KIAA1549L: variants seen among roughly 807,000 people sequenced by gnomAD.
The protein encoded by KIAA1549L is UPF0606 protein KIAA1549L.
KIAA1549L carries 88 observed loss-of-function variants against 160.7 expected under a neutral mutation model. That is an observed-to-expected ratio of 0.55 (90% confidence interval 0.46 to 0.65). The LOEUF is 0.65. KIAA1549L is among the 30% of genes least tolerant of loss of function. The pLI, the probability that KIAA1549L is intolerant of heterozygous loss-of-function variation, is 0.00. For synonymous variants in KIAA1549L, 950 were observed against 976.7 expected (o/e 0.97, Z 0.51); for missense variants, 2,258 against 2,437.5 (o/e 0.93, Z 1.55).
chr11:33,444,379 A>G (rs78345268), intron 1 of KIAA1549L, among the ~76,000 whole-genome samples: 8,387 of 152,286 alleles, frequency 0.055, 289 homozygotes, highest in East Asian at 0.17. Context: ...ACTCTAAGAT[A>G]TGTCATTAAG....
chr11:33,423,239 TC>T (rs1402163555), intron 1 of KIAA1549L, among the ~76,000 whole-genome samples: 1 of 152,156 alleles, frequency 6.6e-6, no homozygotes, highest in Non-Finnish European at 1.5e-5. Context: ...GGTTAGGACA[TC>T]AATTTGAAAA....
intron 8 of KIAA1549L, among the ~76,000 whole-genome samples, chr11:33,567,639 A>G (rs1855092961): frequency 6.6e-6 from 1 of 152,232 alleles, no homozygotes; most frequent in Admixed American, 6.5e-5. Context: ...CCAGACCTTG[A>G]GTGGAAACCA....
At chr11:33,565,699 T>G in intron 8 of KIAA1549L, among the ~76,000 whole-genome samples, 1 of 145,668 alleles carries the variant, frequency 6.9e-6, no homozygotes. Flanking sequence ...GGCACTTCCG[T>G]GGAGGCTTTT....
At chr11:33,614,572 ATATATATATATATTTTTTTTTT>A (rs1850752211) in intron 15 of KIAA1549L, among the ~76,000 whole-genome samples, 1 of 14,882 alleles carries the variant, frequency 6.7e-5, no homozygotes, top group African/African-American at 8.2e-4. Context: ...ATATATATAT[ATATATATATATATTTTTTTTTT>A]TTTTTTTTTT....
At chr11:33,620,083 C>G (rs1425269254) in intron 16 of KIAA1549L, among the ~76,000 whole-genome samples, 1 of 152,168 alleles carries the variant, frequency 6.6e-6, no homozygotes, top group Non-Finnish European at 1.5e-5. Context: ...GGAAATGGGT[C>G]AGAGGTTTCC....
chr11:33,574,558 C>A, intron 9 of KIAA1549L, 144 bp from the exon 10 acceptor site: 1 of 614,060 alleles, frequency 1.6e-6, no homozygotes, highest in Non-Finnish European at 2.7e-6. Context: ...TCTTGAGAGG[C>A]TGGATATAGG....
chr11:33,598,378 A>ACTTT (rs1850263886), intron 12 of KIAA1549L, among the ~76,000 whole-genome samples: 7 of 152,326 alleles, frequency 4.6e-5, no homozygotes, highest in Admixed American at 6.5e-5. Context: ...TTTGTAGTCA[A>ACTTT]AGTCTATGTG....
intron 1 of KIAA1549L, among the ~76,000 whole-genome samples, chr11:33,433,751 A>G (rs907958236): frequency 2.0e-5 from 3 of 152,216 alleles, no homozygotes; most frequent in African/African-American, 7.2e-5. Flanking sequence ...ATGGAATACT[A>G]TGCAGCCATA....
At chr11:33,597,605 C>G (rs1362537574) in intron 12 of KIAA1549L, among the ~76,000 whole-genome samples, 2 of 152,212 alleles carry the variant, frequency 1.3e-5, no homozygotes, top group African/African-American at 4.8e-5. Flanking sequence ...GGGAGGCAGT[C>G]AGTCTTTATG....
intron 18 of KIAA1549L, among the ~76,000 whole-genome samples, chr11:33,657,180 G>A (rs777945394): frequency 1.1e-4 from 16 of 152,076 alleles, no homozygotes; most frequent in Non-Finnish European, 2.1e-4. Flanking sequence ...CCACCCTGAT[G>A]AACGGTCACA....
rs372386632 is a variant in KIAA1549L at position 33,624,849 on chromosome 11, C to T, written c.5409+6187C>T. On this transcript the variant is annotated intron_variant, in intron 16 of 20. Coordinates refer to ENST00000658780, the MANE Select transcript of KIAA1549L (RefSeq NM_012194.3). Reference sequence around the variant, plus strand: ...TGTATACATGTGCCATGCTGGTGCACTGCACCCACTGACTCCTCATCTAGC... The same window carrying T: ...TGTATACATGTGCCATGCTGGTGCATTGCACCCACTGACTCCTCATCTAGC... Among the ~76,000 whole-genome samples the T allele has an allele frequency of 2.0e-5, 3 of 151,074 alleles. No individual in the cohort carries two copies. The South Asian group carries it at 6.3e-4, about 32-fold the overall frequency.
At chr11:33,608,941 A>T (rs561279037) in intron 14 of KIAA1549L, among the ~76,000 whole-genome samples, 1 of 152,362 alleles carries the variant, frequency 6.6e-6, no homozygotes, top group African/African-American at 2.4e-5. Flanking sequence ...TCTTTTGTAA[A>T]TTACACGACA....
intron 1 of KIAA1549L, among the ~76,000 whole-genome samples, chr11:33,514,439 C>A (rs1243433892): frequency 1.3e-5 from 2 of 152,170 alleles, no homozygotes; most frequent in Non-Finnish European, 1.5e-5. Flanking sequence ...GGTTTTCCAT[C>A]AACATTTTCA....
chr11:33,458,062 G>A (rs566770370), intron 1 of KIAA1549L, among the ~76,000 whole-genome samples: 4 of 152,290 alleles, frequency 2.6e-5, no homozygotes, highest in Admixed American at 2.0e-4. Context: ...TCTGAGGCCC[G>A]AGGGATGACA....
intron 16 of KIAA1549L, among the ~76,000 whole-genome samples, chr11:33,622,728 C>T (rs530008657): frequency 5.3e-5 from 8 of 152,192 alleles, no homozygotes; most frequent in Non-Finnish European, 7.4e-5. Context: ...ACCTCCACGG[C>T]AGGCACCAGG....
intron 1 of KIAA1549L, among the ~76,000 whole-genome samples, chr11:33,486,465 A>G (rs1852529357): frequency 2.0e-5 from 3 of 152,200 alleles, no homozygotes; most frequent in Admixed American, 2.0e-4. Context: ...AATTTTGTTC[A>G]GAGGAAATTC....
intron 1 of KIAA1549L, among the ~76,000 whole-genome samples, chr11:33,467,820 G>A (rs752687615): frequency 9.2e-5 from 14 of 152,204 alleles, no homozygotes; most frequent in Non-Finnish European, 1.8e-4. Context: ...AGTCTGGCTT[G>A]CTCGTTTCAT....
chr11:33,661,268 T>G (rs2133447572), intron 20 of KIAA1549L, among the ~76,000 whole-genome samples: 1 of 152,342 alleles, frequency 6.6e-6, no homozygotes, highest in African/African-American at 2.4e-5. Context: ...TCAAGTACAT[T>G]TTTATAATAA....
At chr11:33,580,587 A>AAAAAAAAAG (rs1554994225) in intron 10 of KIAA1549L, among the ~76,000 whole-genome samples, 6 of 127,568 alleles carry the variant, frequency 4.7e-5, no homozygotes, top group East Asian at 2.1e-4. Flanking sequence ...AAAAAAAAAA[A>AAAAAAAAAG]AAAAGAAAAG....
Sources: allele counts gnomAD v4.1 joint callset (sites outside exome capture counted in the v4.1 genomes callset), GRCh38; gene constraint gnomAD v4.1.1; transcripts MANE v1.5; gene names NCBI Gene and HGNC (gene_info 2026-07-23, HGNC 2026-07-21).